The following PRKN variants were observed in gnomAD, a reference collection of about 807,000 sequenced individuals.
The protein encoded by PRKN is parkin RBR E3 ubiquitin protein ligase, also known as E3 ubiquitin-protein ligase parkin.
PRKN carries 56 observed loss-of-function variants against 59.5 expected under a neutral mutation model. That is an observed-to-expected ratio of 0.94 (90% CI 0.76 to 1.18). The LOEUF is 1.18. Ranked by LOEUF, PRKN falls within the 50% of genes most tolerant of loss-of-function variation. The pLI is 0.00. For missense variants in PRKN, 657 were observed against 596.4 expected (o/e 1.10, Z -1.06); for synonymous variants, 250 against 222.1 (o/e 1.13, Z -1.12).
rs77944961 is a variant in PRKN, at chr6:161,475,879, T to C, written c.1083+72975A>G. 1.1e-3 allele frequency among the ~76,000 whole-genome samples: 170 copies of C among 152,128 alleles called. No individual in the cohort carries two copies. The highest frequency in any genetic ancestry group is 3.9e-3 in the African/African-American group (163 of 41,556). On this transcript the variant is annotated intron_variant, in intron 9 of 11. Coordinates refer to ENST00000366898, the MANE Select transcript of PRKN (RefSeq NM_004562.3). This position sits in a 1 kb window ranked among gnomAD's most constrained non-coding sequence, Gnocchi z 5.3. Reference sequence around the variant, plus strand: ...TTTCCTTTCAATCTTATATATTTTATATATTTAAAAATATTATTCAAGATA... The same window carrying C: ...TTTCCTTTCAATCTTATATATTTTACATATTTAAAAATATTATTCAAGATA...
intron 5 of PRKN, among the ~76,000 whole-genome samples, chr6:162,018,431 TAAG>T (rs1783011270): frequency 6.6e-6 from 1 of 152,152 alleles, no homozygotes; most frequent in South Asian, 2.1e-4. Context: ...GTGGTTAAAA[TAAG>T]AAAAACTAAT....
chr6:161,916,073 G>C lies in PRKN; in HGVS notation c.734+57229C>G, dbSNP rs115284909. Among the ~76,000 whole-genome samples the C allele has an allele frequency of 2.6e-3, 402 of 152,196 alleles. 1 individual carries two copies. Among genetic ancestry groups the C allele is most frequent in the African/African-American group, 9.4e-3 (392 of 41,546 alleles). ...CCTAATTAATAAGAAAAAAGAAAAA[G>C]AAAGGAACATCCAGCTCAAACACTT... On this transcript the variant is annotated intron_variant, in intron 6 of 11. Transcript: ENST00000366898.
chr6:161,464,721 T>C (rs1173850460), intron 9 of PRKN, among the ~76,000 whole-genome samples: 1 of 152,164 alleles, frequency 6.6e-6, no homozygotes, highest in Non-Finnish European at 1.5e-5. Flanking sequence ...ACCAAATAAT[T>C]AAATAATGCC....
chr6:161,979,539 G>A (rs1781182121), intron 5 of PRKN, among the ~76,000 whole-genome samples: 1 of 152,172 alleles, frequency 6.6e-6, no homozygotes, highest in African/African-American at 2.4e-5. Flanking sequence ...CTTTCAAAGT[G>A]CTGGGAAAAC....
chr6:162,297,063 C>T (rs1781707942), intron 2 of PRKN, among the ~76,000 whole-genome samples: 1 of 152,004 alleles, frequency 6.6e-6, no homozygotes, highest in African/African-American at 2.4e-5. Flanking sequence ...AAGGCCCAGT[C>T]GAAATTAATC....
At chr6:162,144,599 A>G (rs1781937611) in intron 4 of PRKN, among the ~76,000 whole-genome samples, 1 of 152,188 alleles carries the variant, frequency 6.6e-6, no homozygotes, top group Admixed American at 6.5e-5. Flanking sequence ...CTATGGTCAC[A>G]GGCCCACCCC....
chr6:162,578,628 A>G (rs1418647112), intron 1 of PRKN, among the ~76,000 whole-genome samples: 1 of 152,076 alleles, frequency 6.6e-6, no homozygotes, highest in Non-Finnish European at 1.5e-5. Flanking sequence ...CTGATCACAC[A>G]CTCTATTTGT....
intron 4 of PRKN, among the ~76,000 whole-genome samples, chr6:162,107,380 G>A (rs774586396): frequency 2.0e-5 from 3 of 152,286 alleles, no homozygotes; most frequent in South Asian, 2.1e-4. Flanking sequence ...CAGGAGTATC[G>A]CATGAACGCA....
intron 7 of PRKN, among the ~76,000 whole-genome samples, chr6:161,608,915 C>T (rs781747192): frequency 1.3e-5 from 2 of 152,134 alleles, no homozygotes; most frequent in African/African-American, 2.4e-5. Flanking sequence ...AATTAGGCTG[C>T]AGCTTAGGTT....
At chr6:162,626,906 A>T (rs1037020394) in intron 1 of PRKN, among the ~76,000 whole-genome samples, 3 of 152,176 alleles carry the variant, frequency 2.0e-5, no homozygotes, top group Admixed American at 6.5e-5. Flanking sequence ...TAAAATATTC[A>T]TTTTAAAATG....
chr6:162,637,521 C>T (rs943575644), intron 1 of PRKN, among the ~76,000 whole-genome samples: 7 of 152,098 alleles, frequency 4.6e-5, no homozygotes, highest in Admixed American at 2.0e-4. Flanking sequence ...TCAGCCAGTA[C>T]GGAAGCAGGG....
chr6:161,619,981 C>CTTTT (rs71004058), intron 7 of PRKN, among the ~76,000 whole-genome samples: 45 of 63,166 alleles, frequency 7.1e-4, no homozygotes, highest in Non-Finnish European at 8.8e-4. Flanking sequence ...ACACATTATT[C>CTTTT]TTTTTTTTTT....
chr6:162,188,687 G>C (rs9295184), intron 4 of PRKN, among the ~76,000 whole-genome samples: 49,798 of 149,856 alleles, frequency 0.33, 9,092 homozygotes, highest in South Asian at 0.46. Context: ...TGAATCGTAA[G>C]TTTAATACAG....
At chr6:162,429,629 G>A (rs970790660) in intron 2 of PRKN, among the ~76,000 whole-genome samples, 33 of 151,858 alleles carry the variant, frequency 2.2e-4, no homozygotes, top group African/African-American at 6.8e-4. Flanking sequence ...GCCCCATTTC[G>A]CCTGCCACCC....
At chr6:162,345,745 T>A (rs979013855) in intron 2 of PRKN, among the ~76,000 whole-genome samples, 3 of 152,246 alleles carry the variant, frequency 2.0e-5, no homozygotes, top group Non-Finnish European at 4.4e-5. Context: ...TTTATATGAC[T>A]TATCGTTATA....
intron 5 of PRKN, among the ~76,000 whole-genome samples, chr6:162,051,615 C>G (rs1777647604): frequency 6.6e-6 from 1 of 152,140 alleles, no homozygotes; most frequent in African/African-American, 2.4e-5. Context: ...CCAAGGGCCA[C>G]AGAGTTGTGA....
intron 4 of PRKN, among the ~76,000 whole-genome samples, chr6:162,057,617 A>G (rs904765496): frequency 2.0e-5 from 3 of 152,216 alleles, no homozygotes; most frequent in African/African-American, 7.2e-5. Context: ...ATGTGGCTAG[A>G]ATGCAGTCTG....
At chr6:162,438,148 T>G (rs1022246738) in intron 2 of PRKN, among the ~76,000 whole-genome samples, 10 of 152,202 alleles carry the variant, frequency 6.6e-5, no homozygotes, top group African/African-American at 2.2e-4. Flanking sequence ...AGATATTTCT[T>G]TATACATTCT....
At chr6:162,224,906 T>A (rs1778098759) in intron 3 of PRKN, among the ~76,000 whole-genome samples, 1 of 152,222 alleles carries the variant, frequency 6.6e-6, no homozygotes, top group South Asian at 2.1e-4. Context: ...ACCATACTCA[T>A]CTGAGATGCC....
Sources: gnomAD v4.1 joint callset for allele counts (sites outside exome capture counted in the v4.1 genomes callset) on GRCh38, gnomAD v4.1.1 for gene constraint, Gnocchi (gnomAD v3.1) non-coding constraint, MANE v1.5 for transcripts, NCBI Gene and HGNC (gene_info 2026-07-23, HGNC 2026-07-21) for gene names.